The following GPC6 variants were observed in gnomAD, a reference collection of about 807,000 sequenced individuals.
GPC6 encodes the protein glypican 6.
In GPC6, 14 loss-of-function variants were observed where a neutral mutation model predicts 55.2. That is an observed-to-expected ratio of 0.25 (90% confidence interval 0.17 to 0.40). The LOEUF (loss-of-function observed/expected upper bound fraction) is 0.40, where lower values mean the gene tolerates loss of function less well. GPC6 is among the 10% of genes least tolerant of loss of function. The pLI, the probability that GPC6 is intolerant of heterozygous loss-of-function variation, is 1.00. For synonymous variants in GPC6, 278 were observed against 259.6 expected, an observed-to-expected ratio of 1.07 and a Z score of -0.68; for missense variants, 641 against 708.5, an observed-to-expected ratio of 0.90 and a Z score of 1.08.
At chr13:94,125,876 T>C (rs1164053863) in intron 4 of GPC6, among the ~76,000 whole-genome samples, 2 of 152,152 alleles carry the variant, frequency 1.3e-5, no homozygotes, top group Non-Finnish European at 2.9e-5. Context: ...TTGAAAAATA[T>C]GCATTTTATG....
intron 2 of GPC6, among the ~76,000 whole-genome samples, chr13:93,636,071 TG>T (rs1879681033): frequency 6.6e-6 from 1 of 151,946 alleles, no homozygotes; most frequent in Non-Finnish European, 1.5e-5. Context: ...TAGAAAAAAA[TG>T]GGCAATGTTT....
chr13:93,237,022 T>C (rs1452910932), intron 1 of GPC6, among the ~76,000 whole-genome samples: 1 of 152,222 alleles, frequency 6.6e-6, no homozygotes, highest in Non-Finnish European at 1.5e-5. Flanking sequence ...TGTGTTGTGA[T>C]AAATATATGA....
At chr13:93,778,670 T>C (rs547969962) in intron 2 of GPC6, among the ~76,000 whole-genome samples, 5 of 152,310 alleles carry the variant, frequency 3.3e-5, no homozygotes, top group Non-Finnish European at 7.3e-5. Flanking sequence ...GGACAAATTA[T>C]TTATTTCACC....
intron 1 of GPC6, among the ~76,000 whole-genome samples, chr13:93,294,640 G>C (rs1878424055): frequency 6.6e-6 from 1 of 152,104 alleles, no homozygotes; most frequent in African/African-American, 2.4e-5. Context: ...TAGTGGGGGA[G>C]ATAATGCACA....
At chr13:93,484,639 A>G (rs908332108) in intron 1 of GPC6, among the ~76,000 whole-genome samples, 1 of 152,070 alleles carries the variant, frequency 6.6e-6, no homozygotes, top group African/African-American at 2.4e-5. Context: ...AATACATTTG[A>G]ATCTTTGCCT....
chr13:94,272,458 C>CTTTTTTTTTTTTTTTTTT (rs1272404309), intron 4 of GPC6, among the ~76,000 whole-genome samples: 1 of 115,416 alleles, frequency 8.7e-6, no homozygotes, highest in Non-Finnish European at 1.7e-5. Context: ...CTTTTCTTTT[C>CTTTTTTTTTTTTTTTTTT]TTTTCTTTTT....
intron 1 of GPC6, among the ~76,000 whole-genome samples, chr13:93,296,134 C>T (rs1878490082): frequency 6.6e-6 from 1 of 152,168 alleles, no homozygotes; most frequent in Non-Finnish European, 1.5e-5. Context: ...GCCTGTAGCA[C>T]TTCTCTTTCC....
At chr13:93,490,065 T>G (rs1234641453) in intron 1 of GPC6, among the ~76,000 whole-genome samples, 1 of 151,406 alleles carries the variant, frequency 6.6e-6, no homozygotes, top group African/African-American at 2.4e-5. Context: ...AGGGAATGCT[T>G]CCAGTTTTTG....
intron 4 of GPC6, among the ~76,000 whole-genome samples, chr13:94,052,568 C>T (rs906773906): frequency 2.6e-5 from 4 of 152,110 alleles, no homozygotes; most frequent in Non-Finnish European, 5.9e-5. Context: ...TTTAAAACTC[C>T]TCTAGAGATT....
At chr13:93,654,952 TCAG>T (rs1880589443) in intron 2 of GPC6, among the ~76,000 whole-genome samples, 1 of 149,350 alleles carries the variant, frequency 6.7e-6, no homozygotes, top group South Asian at 2.1e-4. Flanking sequence ...TTCTCCTGCC[TCAG>T]CCTCCAGAGT....
intron 2 of GPC6, among the ~76,000 whole-genome samples, chr13:93,824,945 C>T (rs1210729242): frequency 2.0e-5 from 3 of 151,964 alleles, no homozygotes; most frequent in South Asian, 2.1e-4. Flanking sequence ...TATTGACTAC[C>T]GAGAATCTTA....
intron 2 of GPC6, among the ~76,000 whole-genome samples, chr13:93,716,163 G>A (rs1346762741): frequency 6.6e-6 from 1 of 151,660 alleles, no homozygotes; most frequent in Non-Finnish European, 1.5e-5. Flanking sequence ...ATTATATACA[G>A]TACATACTAC....
At chr13:93,653,244 T>C (rs551094604) in intron 2 of GPC6, among the ~76,000 whole-genome samples, 166 of 152,314 alleles carry the variant, frequency 1.1e-3, no homozygotes, top group Non-Finnish European at 1.2e-3. Context: ...CAAGTTTCTC[T>C]CTTGTATGTC....
intron 1 of GPC6, among the ~76,000 whole-genome samples, chr13:93,237,220 A>G (rs1317155408): frequency 1.3e-5 from 2 of 152,166 alleles, no homozygotes; most frequent in Admixed American, 6.6e-5. Context: ...CACCACATCT[A>G]CATCAACATC....
At chr13:93,719,847 G>T (rs1271400015) in intron 2 of GPC6, among the ~76,000 whole-genome samples, 1 of 152,008 alleles carries the variant, frequency 6.6e-6, no homozygotes, top group East Asian at 1.9e-4. Flanking sequence ...TAATCATGTG[G>T]TTTTTGTCAT....
intron 1 of GPC6, among the ~76,000 whole-genome samples, chr13:93,536,584 T>A (rs1036292588): frequency 3.3e-5 from 5 of 152,310 alleles, no homozygotes; most frequent in African/African-American, 1.2e-4. Context: ...GAAATAATAG[T>A]CCATTGTATG....
rs1876380349 is a variant in GPC6, at chr13:93,240,155, A to G, written c.160+12539A>G. Among the ~76,000 whole-genome samples the G allele has an allele frequency of 2.0e-5, 3 of 152,240 alleles. No individual in the cohort carries two copies. In the South Asian group the frequency reaches 6.2e-4, roughly 32 times the overall value. Reference sequence around the variant, plus strand: ...AGCCTCTGTTAGGTCCATTTGTCCTAGAATCCAGTTTATGGCCAGTGTTCC... The same window carrying G: ...AGCCTCTGTTAGGTCCATTTGTCCTGGAATCCAGTTTATGGCCAGTGTTCC... On this transcript the variant is annotated intron_variant, in intron 1 of 8. Coordinates refer to ENST00000377047, the MANE Select transcript of GPC6 (RefSeq NM_005708.5).
At chr13:94,136,603 G>A (rs556006091) in intron 4 of GPC6, among the ~76,000 whole-genome samples, 5 of 152,118 alleles carry the variant, frequency 3.3e-5, no homozygotes, top group Non-Finnish European at 2.9e-5. Flanking sequence ...CCAGCCACTC[G>A]GGAGGCTGAG....
chr13:93,218,855 G>T, the GPC6 span, among the ~76,000 whole-genome samples: 1 of 152,110 alleles, frequency 6.6e-6, no homozygotes, highest in Non-Finnish European at 1.5e-5. Flanking sequence ...AAGGGGAATG[G>T]TTGGAGTTTG....
Sources: allele counts gnomAD v4.1 joint callset (sites outside exome capture counted in the v4.1 genomes callset), GRCh38; gene constraint gnomAD v4.1.1; transcripts MANE v1.5; gene names NCBI Gene and HGNC (gene_info 2026-07-23, HGNC 2026-07-21).